The following OSBPL6 variants were observed in gnomAD, a reference collection of about 807,000 sequenced individuals.
OSBPL6 encodes the protein oxysterol-binding protein-related protein 6.
In OSBPL6, 49 loss-of-function variants were observed where a neutral mutation model predicts 125.8. The observed-to-expected ratio is 0.39, with a 90% CI of 0.31 to 0.49. The LOEUF is 0.49. OSBPL6 is among the 20% of genes least tolerant of loss of function. The pLI, the probability that OSBPL6 is intolerant of heterozygous loss-of-function variation, is 0.88. For missense variants in OSBPL6, 986 were observed against 1,135.4 expected, an observed-to-expected ratio of 0.87 and a Z score of 1.89; for synonymous variants, 394 against 391.8, an observed-to-expected ratio of 1.01 and a Z score of -0.07.
intron 1 of OSBPL6, among the ~76,000 whole-genome samples, chr2:178,200,366 C>T (rs2089183227): frequency 6.6e-6 from 1 of 151,426 alleles, no homozygotes; most frequent in Non-Finnish European, 1.5e-5. Flanking sequence ...ATTCTCCTGC[C>T]TCAGCCTCTC....
intron 3 of OSBPL6, among the ~76,000 whole-genome samples, chr2:178,313,072 T>G (rs1271742843): frequency 6.6e-6 from 1 of 151,992 alleles, no homozygotes; most frequent in Non-Finnish European, 1.5e-5. Flanking sequence ...ATTTTTGTAT[T>G]TTTAGTGGAG....
At chr2:178,245,804 G>C (rs559642315) in intron 1 of OSBPL6, among the ~76,000 whole-genome samples, 43 of 152,260 alleles carry the variant, frequency 2.8e-4, no homozygotes, top group Admixed American at 2.3e-3. Context: ...CATGTTCAAG[G>C]GTGTACAGCT....
Position 178,395,443 on chromosome 2 carries a change from T to C in OSBPL6, c.2697-8T>C, listed in dbSNP as rs780455572. On this transcript the variant is annotated splice_region_variant and splice_polypyrimidine_tract_variant and intron_variant, in intron 24 of 24. Coordinates refer to ENST00000190611, the MANE Select transcript of OSBPL6 (RefSeq NM_032523.4). ...TCATGACTAATGTTGATGTTTATAT[T>C]TTCACAGAAAAGTTATTGATGCCAA... The C allele has an allele frequency of 6.2e-7, 1 of 1,604,510 alleles. No individual in the cohort carries two copies. Among genetic ancestry groups the C allele is most frequent in the East Asian group, 2.2e-5 (1 of 44,810 alleles).
chr2:178,214,669 G>A (rs758003882), intron 1 of OSBPL6, among the ~76,000 whole-genome samples: 1 of 152,176 alleles, frequency 6.6e-6, no homozygotes, highest in Non-Finnish European at 1.5e-5. Context: ...CATGGAACCA[G>A]GCACGGTGGC....
intron 1 of OSBPL6, among the ~76,000 whole-genome samples, chr2:178,281,969 G>A (rs1429623432): frequency 2.0e-5 from 3 of 152,166 alleles, no homozygotes; most frequent in Non-Finnish European, 2.9e-5. Flanking sequence ...GAAAAAAATT[G>A]TTTGCACAGA....
intron 11 of OSBPL6, among the ~76,000 whole-genome samples, chr2:178,340,851 CTGATA>C (rs1690129594): frequency 1.3e-5 from 2 of 152,206 alleles, no homozygotes; most frequent in South Asian, 4.1e-4. Context: ...GCTTGCTAAT[CTGATA>C]TATTTGAAAA....
chr2:178,290,381 T>C (rs1685129039), intron 2 of OSBPL6, among the ~76,000 whole-genome samples: 1 of 151,898 alleles, frequency 6.6e-6, no homozygotes, highest in Non-Finnish European at 1.5e-5. Context: ...AATTCAAGGA[T>C]TTAAAAAAAT....
intron 8 of OSBPL6, 74 bp from the exon 9 acceptor site, chr2:178,336,227 G>A: frequency 6.6e-7 from 1 of 1,514,650 alleles, no homozygotes; most frequent in Non-Finnish European, 9.0e-7. Flanking sequence ...ATACGGTTTT[G>A]AGGATACTTG....
chr2:178,389,127 T>C lies in OSBPL6; in HGVS notation c.2275T>C (p.Cys759Arg). The change falls in exon 21 of 25, where the codon TGC becomes CGC. Residue 759 changes from cysteine (C) to arginine (R), a missense_variant. Cys to Arg is a radical substitution (Grantham distance 180). This residue lies in a region of OSBPL6 where 843 missense variants were observed against 997.3 expected (regional missense o/e 0.85). Coordinates refer to ENST00000190611, the MANE Select transcript of OSBPL6 (RefSeq NM_032523.4). ...CATCAGAAATACCAAAAGCAGTGTTTGCATTTGCAAACTCACATTTGTCAA... is the reference window on the plus strand; with the variant it reads ...CATCAGAAATACCAAAAGCAGTGTTCGCATTTGCAAACTCACATTTGTCAA... The part of the protein sequence containing the change: ...VTIRNTKSSV[C>R]ICKLTFVKVN... The C allele has an allele frequency of 6.2e-7, 1 of 1,613,868 alleles. No individual in the cohort carries two copies. The highest frequency in any genetic ancestry group is 1.1e-5 in the South Asian group (1 of 91,066).
At chr2:178,320,128 G>A in intron 3 of OSBPL6, 2 of 792,888 alleles carry the variant, frequency 2.5e-6, no homozygotes, top group Non-Finnish European at 3.7e-6. Context: ...TGAGAATCAC[G>A]TTTCTCTCCG....
At position 178,382,450 on chromosome 2, in the gene OSBPL6, G is replaced by C; in HGVS notation, c.1564G>C (p.Val522Leu). ...ASDDESYISDVSDNISEDNTS... is the reference protein window; with the variant it reads ...ASDDESYISDLSDNISEDNTS... The stretch of plus-strand genomic sequence containing the variant: ...AGATGATGAGTCTTACATCAGTGAT[G>C]TGAGTGATAATATATCTGAAGACAA... The change falls in exon 16 of 25, where the codon GTG (valine) becomes CTG (leucine). Residue 522 changes from valine to leucine, a missense_variant. Transcript: ENST00000190611. 1 of 1,613,626 alleles carries C rather than the reference G, an allele frequency of 6.2e-7. No homozygotes were observed. The highest frequency in any genetic ancestry group is 8.5e-7 in the Non-Finnish European group (1 of 1,179,804).
In OSBPL6 at chr2:178,360,391, A is replaced by T. The variant is rs567271790; in HGVS notation, c.1154-1291A>T. Reference sequence around the variant, plus strand: ...AGCGCGGTGGGGGGGCGGGAAATGGATAAGACGATGGATATGTTAATTTGT... The same window carrying T: ...AGCGCGGTGGGGGGGCGGGAAATGGTTAAGACGATGGATATGTTAATTTGT... On this transcript the variant is annotated intron_variant, in intron 12 of 24. Transcript: ENST00000190611. 2.0e-4 allele frequency among the ~76,000 whole-genome samples: 31 copies of T among 152,248 alleles called. No homozygotes were observed. The South Asian group carries it at 6.4e-3, about 32-fold the overall frequency.
intron 11 of OSBPL6, among the ~76,000 whole-genome samples, chr2:178,340,804 A>C (rs1190762416): frequency 6.6e-6 from 1 of 152,170 alleles, no homozygotes; most frequent in African/African-American, 2.4e-5. Flanking sequence ...CATTCTTCAT[A>C]TTACGATTCT....
Position 178,282,259 on chromosome 2 carries a change from A to G in OSBPL6, c.-350-2668A>G, listed in dbSNP as rs549111426. ...TTTTATTTACATAGGCAGGTAGCCA[A>G]GGACACACACACACAGCATATGTGA... On this transcript the variant is annotated intron_variant, in intron 1 of 24. Coordinates refer to ENST00000190611, the MANE Select transcript of OSBPL6 (RefSeq NM_032523.4). Among the ~76,000 whole-genome samples the G allele has an allele frequency of 2.0e-5, 3 of 152,360 alleles. No individual in the cohort carries two copies. The East Asian group carries it at 5.8e-4, about 29-fold the overall frequency.
chr2:178,347,734 A>G (rs917628396), intron 11 of OSBPL6, among the ~76,000 whole-genome samples: 9 of 152,100 alleles, frequency 5.9e-5, no homozygotes, highest in Non-Finnish European at 1.3e-4. Context: ...ATAGCCAGAA[A>G]TTTTCAGCCT....
intron 1 of OSBPL6, among the ~76,000 whole-genome samples, chr2:178,209,843 C>T (rs2089754317): frequency 6.6e-6 from 1 of 151,098 alleles, no homozygotes; most frequent in South Asian, 2.1e-4. Context: ...CTGAAGGCTA[C>T]AGGTCTGGCT....
At chr2:178,372,054 A>T in intron 13 of OSBPL6, 72 bp from the exon 14 acceptor site, 1 of 1,122,340 alleles carries the variant, frequency 8.9e-7, no homozygotes, top group Non-Finnish European at 1.3e-6. Context: ...TCTAACTTGT[A>T]CCTGTGTACT....
intron 21 of OSBPL6, 70 bp downstream of exon 21, chr2:178,389,223 C>T (rs1695200567): frequency 5.5e-6 from 8 of 1,445,520 alleles, no homozygotes; most frequent in Non-Finnish European, 7.6e-6. Context: ...ATAGAATAAT[C>T]ACCTTAAATA....
chr2:178,344,986 T>G (rs1229787964), intron 11 of OSBPL6, among the ~76,000 whole-genome samples: 1 of 149,420 alleles, frequency 6.7e-6, no homozygotes, highest in African/African-American at 2.5e-5. Context: ...TATCTAGAGG[T>G]TTTTTTTTCT....
Sources: gnomAD v4.1 joint callset for allele counts (sites outside exome capture counted in the v4.1 genomes callset) on GRCh38, gnomAD v4.1.1 for gene constraint, gnomAD v4.1.1 regional missense constraint, MANE v1.5 for transcripts, NCBI Gene and HGNC (gene_info 2026-07-23, HGNC 2026-07-21) for gene names.